FRYL: variants seen among roughly 807,000 people sequenced by gnomAD.
FRYL encodes protein furry homolog-like.
Under a neutral mutation model 351.2 loss-of-function variants are expected in FRYL, and 150 were observed. The ratio of observed to expected loss-of-function variants is 0.43; its 90% confidence interval spans 0.37 to 0.49. The LOEUF (loss-of-function observed/expected upper bound fraction) is 0.49. FRYL is among the 20% of genes least tolerant of loss of function. The pLI, the probability that FRYL is intolerant of heterozygous loss-of-function variation, is 0.00. For synonymous variants in FRYL, 1,153 were observed against 1,257.1 expected, an observed-to-expected ratio of 0.92 and a Z score of 1.75; for missense variants, 3,036 against 3,619.3, an observed-to-expected ratio of 0.84 and a Z score of 4.13.
chr4:48,525,869 TGAG>T (rs971000752), intron 53 of FRYL, among the ~76,000 whole-genome samples: 12 of 152,152 alleles, frequency 7.9e-5, no homozygotes, highest in South Asian at 2.1e-4. Context: ...GAGCTGTATA[TGAG>T]TAGTATATGT....
At chr4:48,547,121 A>G (rs2148967018) in intron 41 of FRYL, among the ~76,000 whole-genome samples, 1 of 152,332 alleles carries the variant, frequency 6.6e-6, no homozygotes, top group Admixed American at 6.5e-5. Context: ...ACAAAAATTA[A>G]CATTGACAGT....
rs1460650173 is a variant in FRYL, at chr4:48,710,679, A to G, written c.-364T>C. On this transcript the variant is annotated 5_prime_UTR_variant, in exon 2 of 64. Coordinates refer to ENST00000358350, the MANE Select transcript of FRYL (RefSeq NM_015030.2). Reference sequence around the variant, plus strand: ...GTGAGTGAGTCACCGTGTGTGAAGCAGAATATGGAATGTTCTAGGCTGGAA... The same window carrying G: ...GTGAGTGAGTCACCGTGTGTGAAGCGGAATATGGAATGTTCTAGGCTGGAA... 1 of 398,226 alleles carries G rather than the reference A, an allele frequency of 2.5e-6. No homozygotes were observed. The highest frequency in any genetic ancestry group is 2.1e-5 in the African/African-American group (1 of 48,628). 24.7% of individuals were successfully genotyped at this position (398,226 alleles called of 1,614,324 possible).
At chr4:48,501,876 C>G (rs142492229) in intron 61 of FRYL, 143 bp from the exon 62 acceptor site, 1 of 587,928 alleles carries the variant, frequency 1.7e-6, no homozygotes, top group Non-Finnish European at 3.0e-6. Context: ...ATGAAAGGCA[C>G]GTGAAATATG....
At chr4:48,573,114 C>G (rs1738731495) in intron 26 of FRYL, 72 bp downstream of exon 26, 3 of 1,160,736 alleles carry the variant, frequency 2.6e-6, no homozygotes, top group African/African-American at 1.5e-5. Flanking sequence ...TAATTTCTAA[C>G]TTTTGATATA....
chr4:48,690,070 T>C (rs755800937), intron 2 of FRYL, among the ~76,000 whole-genome samples: 2,748 of 151,076 alleles, frequency 0.018, 46 homozygotes, highest in Non-Finnish European at 0.029. Flanking sequence ...CTAATTTTTT[T>C]TTTTTTTTGT....
chr4:48,577,878 TA>T (rs924766391), intron 23 of FRYL, among the ~76,000 whole-genome samples: 10 of 141,638 alleles, frequency 7.1e-5, no homozygotes, highest in Admixed American at 2.1e-4. Flanking sequence ...CCTGCCTCTT[TA>T]AAAAAAAAAC....
intron 1 of FRYL, among the ~76,000 whole-genome samples, chr4:48,739,072 A>G (rs1771755892): frequency 6.6e-6 from 1 of 152,152 alleles, no homozygotes; most frequent in African/African-American, 2.4e-5. Flanking sequence ...CAGATCAATG[A>G]AACAGAACAG....
chr4:48,724,754 A>G (rs1438647756), intron 1 of FRYL, among the ~76,000 whole-genome samples: 1 of 152,230 alleles, frequency 6.6e-6, no homozygotes, highest in Non-Finnish European at 1.5e-5. Flanking sequence ...CGTATTAACA[A>G]CTTCATAAAT....
rs374251339 is a variant in FRYL at position 48,557,131 on chromosome 4, T to C, written c.4126-13A>G. ...GTTCATCGCCATACTAGATGCAATA[T>C]GCACAAAAGATACTTCAGTCATGAC... On this transcript the variant is annotated splice_polypyrimidine_tract_variant and intron_variant, in intron 34 of 63. Transcript: ENST00000358350. 4 of 1,568,392 alleles carry C rather than the reference T, an allele frequency of 2.6e-6. No homozygotes were observed. In the African/African-American group the frequency reaches 4.1e-5, roughly 16 times the overall value.
At chr4:48,779,645 T>C (rs1392986033) in intron 1 of FRYL, among the ~76,000 whole-genome samples, 1 of 151,776 alleles carries the variant, frequency 6.6e-6, no homozygotes, top group Non-Finnish European at 1.5e-5. Context: ...ACCGCCTTCC[T>C]TCCCGCGGGG....
intron 36 of FRYL, 56 bp downstream of exon 36, chr4:48,553,159 A>T (rs1469628744): frequency 5.0e-6 from 7 of 1,388,512 alleles, no homozygotes; most frequent in Non-Finnish European, 6.0e-6. Flanking sequence ...ACCATAGTGA[A>T]GCAGATGAAG....
At position 48,512,507 on chromosome 4, in the gene FRYL, AAGTAAAC is replaced by A. The variant is rs1157137120; in HGVS notation, c.8112_8118del (p.Thr2706MetfsTer17). 6.2e-7 allele frequency: 1 copy of A among 1,613,898 alleles called. No individual in the cohort carries two copies. Among genetic ancestry groups the A allele is most frequent in the Non-Finnish European group, 8.5e-7 (1 of 1,179,798 alleles). On this transcript the variant is annotated frameshift_variant, in exon 57 of 64. Coordinates refer to ENST00000358350, the MANE Select transcript of FRYL (RefSeq NM_015030.2). LOFTEE classifies it high-confidence loss of function. Reference sequence around the variant, plus strand: ...TGAAACAGCCTAGAAAACACATGAAAAGTAAACACTGCAGAGGACCCGTCGGTGTCAG... The same window carrying A: ...TGAAACAGCCTAGAAAACACATGAAAACTGCAGAGGACCCGTCGGTGTCAG...
chr4:48,730,621 C>T (rs1237205602), intron 1 of FRYL, among the ~76,000 whole-genome samples: 1 of 152,130 alleles, frequency 6.6e-6, no homozygotes, highest in Non-Finnish European at 1.5e-5. Flanking sequence ...ATTTCATATC[C>T]AGCCAAACTA....
At chr4:48,534,765 T>C in intron 48 of FRYL, 80 bp from the exon 49 acceptor site, 1 of 868,194 alleles carries the variant, frequency 1.2e-6, no homozygotes, top group Non-Finnish European at 1.8e-6. Context: ...TTTGACAGGT[T>C]GGAAAACATA....
intron 1 of FRYL, among the ~76,000 whole-genome samples, chr4:48,763,630 G>C (rs1207050629): frequency 6.6e-6 from 1 of 152,160 alleles, no homozygotes; most frequent in Non-Finnish European, 1.5e-5. Context: ...TTATCTTAAA[G>C]TTAAAATTTG....
Position 48,683,958 on chromosome 4 carries a change from A to G in FRYL, c.-81+715T>C, listed in dbSNP as rs984311914. ...GTCCCTCTGCAGGTTGTCCTTATCT[A>G]TGAAGCCCAGAAACACAGTGGTACA... On this transcript the variant is annotated intron_variant, in intron 3 of 63. Transcript: ENST00000358350. Among the ~76,000 whole-genome samples the G allele has an allele frequency of 8.7e-4, 132 of 152,238 alleles. 1 individual carries two copies. The highest frequency in any genetic ancestry group is 3.1e-3 in the African/African-American group (127 of 41,518).
chr4:48,721,892 G>A (rs1560314717), intron 1 of FRYL, among the ~76,000 whole-genome samples: 2 of 152,108 alleles, frequency 1.3e-5, no homozygotes, highest in African/African-American at 2.4e-5. Context: ...CACCTGCTTC[G>A]GCCTCCCAAA....
intron 53 of FRYL, among the ~76,000 whole-genome samples, chr4:48,526,404 G>A (rs1175363936): frequency 1.3e-5 from 2 of 152,092 alleles, no homozygotes; most frequent in Non-Finnish European, 2.9e-5. Flanking sequence ...AGACAACCAG[G>A]GTAATCCTAT....
chr4:48,511,803 G>C (rs957999414), intron 57 of FRYL, among the ~76,000 whole-genome samples: 7 of 152,282 alleles, frequency 4.6e-5, no homozygotes, highest in African/African-American at 1.4e-4. Context: ...ATTTAGCTGA[G>C]TCTTCCAAGA....
Sources: allele counts gnomAD v4.1 joint callset (sites outside exome capture counted in the v4.1 genomes callset), GRCh38; gene constraint gnomAD v4.1.1; transcripts MANE v1.5; gene names NCBI Gene and HGNC (gene_info 2026-07-23, HGNC 2026-07-21).